TMEM232: variants seen among roughly 807,000 people sequenced by gnomAD.
TMEM232 encodes transmembrane protein 232.
Under a neutral mutation model 78.8 loss-of-function variants are expected in TMEM232, and 80 were observed. That is an observed-to-expected ratio of 1.01 (90% CI 0.85 to 1.22). The LOEUF (loss-of-function observed/expected upper bound fraction) is 1.22. Ranked by LOEUF, TMEM232 falls within the 50% of genes most tolerant of loss-of-function variation. The pLI is 0.00. For missense variants in TMEM232, 881 were observed against 742.2 expected (o/e 1.19, Z -2.17); for synonymous variants, 297 against 254.3 (o/e 1.17, Z -1.60).
At chr5:110,630,871 C>T (rs1044379504) in intron 5 of TMEM232, among the ~76,000 whole-genome samples, 10 of 152,036 alleles carry the variant, frequency 6.6e-5, no homozygotes, top group African/African-American at 9.7e-5. Context: ...CAATCTGAAC[C>T]ATGGCAGAGC....
chr5:110,611,510 C>A (rs1037341070), intron 8 of TMEM232, among the ~76,000 whole-genome samples: 1 of 152,142 alleles, frequency 6.6e-6, no homozygotes, highest in Admixed American at 6.6e-5. Context: ...GGGGCACTAA[C>A]TGTTTCCCTC....
intron 12 of TMEM232, among the ~76,000 whole-genome samples, chr5:110,475,720 A>G (rs1763176130): frequency 6.6e-6 from 1 of 151,862 alleles, no homozygotes; most frequent in Non-Finnish European, 1.5e-5. Flanking sequence ...CCTCCCAGAG[A>G]AAGAACTCTG....
chr5:110,550,268 T>C (rs115266123), intron 11 of TMEM232, among the ~76,000 whole-genome samples: 2 of 152,290 alleles, frequency 1.3e-5, no homozygotes, highest in African/African-American at 4.8e-5. Context: ...ATAAAAGTTC[T>C]TGTTAAACTT....
intron 2 of TMEM232, among the ~76,000 whole-genome samples, chr5:110,658,239 C>T (rs2150090604): frequency 6.6e-6 from 1 of 152,268 alleles, no homozygotes; most frequent in East Asian, 1.9e-4. Context: ...TGATTGATTA[C>T]AGCATCATCA....
intron 11 of TMEM232, among the ~76,000 whole-genome samples, chr5:110,530,273 A>G (rs1425587039): frequency 6.6e-6 from 1 of 152,228 alleles, no homozygotes; most frequent in Non-Finnish European, 1.5e-5. Context: ...TGTCACTGTG[A>G]AAGTCATAGA....
intron 1 of TMEM232, among the ~76,000 whole-genome samples, chr5:110,710,048 T>C (rs577779713): frequency 1.3e-5 from 2 of 151,490 alleles, no homozygotes; most frequent in African/African-American, 2.4e-5. Context: ...AAAAGGCAGA[T>C]GACTCAAATA....
intron 2 of TMEM232, among the ~76,000 whole-genome samples, chr5:110,401,529 T>C (rs555683576): frequency 1.3e-5 from 2 of 152,044 alleles, no homozygotes; most frequent in African/African-American, 4.8e-5. Context: ...CAGGATCCCA[T>C]TAGGCCACCC....
At chr5:110,430,876 A>G (rs1347062505) in intron 12 of TMEM232, among the ~76,000 whole-genome samples, 2 of 151,796 alleles carry the variant, frequency 1.3e-5, no homozygotes, top group African/African-American at 4.8e-5. Flanking sequence ...TGATACATTA[A>G]GCAACAGGAT....
chr5:110,597,462 C>T (rs1490258306), intron 10 of TMEM232, among the ~76,000 whole-genome samples: 2 of 152,042 alleles, frequency 1.3e-5, no homozygotes, highest in Non-Finnish European at 2.9e-5. Flanking sequence ...AGATTCAATG[C>T]CATCCCCATC....
intron 1 of TMEM232, among the ~76,000 whole-genome samples, chr5:110,716,794 G>A (rs1314814383): frequency 6.6e-6 from 1 of 152,164 alleles, no homozygotes; most frequent in Non-Finnish European, 1.5e-5. Flanking sequence ...TGAAGAAACA[G>A]TTCTGTACTG....
At chr5:110,701,582 T>C (rs142045696) in intron 1 of TMEM232, among the ~76,000 whole-genome samples, 1 of 152,036 alleles carries the variant, frequency 6.6e-6, no homozygotes, top group Admixed American at 6.6e-5. Flanking sequence ...TTGTAAGCAA[T>C]TAATATTTTA....
chr5:110,424,512 G>C (rs1757030136), intron 13 of TMEM232, among the ~76,000 whole-genome samples: 1 of 152,078 alleles, frequency 6.6e-6, no homozygotes, highest in African/African-American at 2.4e-5. Context: ...TCTGTTATTA[G>C]AACTACACTG....
intron 2 of TMEM232, among the ~76,000 whole-genome samples, chr5:110,652,133 A>G (rs1165033983): frequency 1.3e-5 from 2 of 152,220 alleles, no homozygotes; most frequent in African/African-American, 2.4e-5. Flanking sequence ...TCTGACTCAA[A>G]GTCTTTGCAT....
intron 1 of TMEM232, among the ~76,000 whole-genome samples, chr5:110,705,125 G>C (rs1366694077): frequency 6.6e-6 from 1 of 152,046 alleles, no homozygotes; most frequent in African/African-American, 2.4e-5. Context: ...CCTGAACTTG[G>C]AACACCCAAC....
intron 2 of TMEM232, among the ~76,000 whole-genome samples, chr5:110,654,096 G>A (rs895333030): frequency 3.3e-5 from 5 of 152,124 alleles, no homozygotes; most frequent in Admixed American, 1.3e-4. Context: ...ATAATATGGG[G>A]TGCAAATTCC....
chr5:110,607,791 G>T (rs1393000169), intron 8 of TMEM232, among the ~76,000 whole-genome samples: 2 of 151,818 alleles, frequency 1.3e-5, no homozygotes, highest in East Asian at 3.9e-4. Flanking sequence ...TAAATAACAG[G>T]TGTTATTTTT....
intron 12 of TMEM232, among the ~76,000 whole-genome samples, chr5:110,525,886 CA>C (rs1488107652): frequency 6.7e-6 from 1 of 149,818 alleles, no homozygotes; most frequent in Non-Finnish European, 1.5e-5. Flanking sequence ...CAGAATTAGA[CA>C]AAAAAAGAAA....
At chr5:110,625,212 AATG>A (rs2149933359) in intron 7 of TMEM232, 52 bp downstream of exon 7, 2 of 1,409,480 alleles carry the variant, frequency 1.4e-6, no homozygotes. Context: ...TAATCATAGT[AATG>A]ATATCTGATG....
chr5:110,507,125 T>C (rs1766998907), intron 12 of TMEM232, among the ~76,000 whole-genome samples: 1 of 152,106 alleles, frequency 6.6e-6, no homozygotes, highest in Non-Finnish European at 1.5e-5. Context: ...AATTTAGAGA[T>C]TTTTCACTAT....
Sources: gnomAD v4.1 joint callset for allele counts (sites outside exome capture counted in the v4.1 genomes callset) on GRCh38, gnomAD v4.1.1 for gene constraint, MANE v1.5 for transcripts, NCBI Gene and HGNC (gene_info 2026-07-23, HGNC 2026-07-21) for gene names.